Variants in HECW2 observed in about 807,000 individuals in gnomAD.
HECW2 encodes E3 ubiquitin-protein ligase HECW2.
Under a neutral mutation model 175.2 loss-of-function variants are expected in HECW2, and 61 were observed. The observed-to-expected ratio is 0.35, with a 90% confidence interval of 0.28 to 0.43. The LOEUF (loss-of-function observed/expected upper bound fraction) is 0.43, where lower values mean the gene tolerates loss of function less well. Ranked by LOEUF, HECW2 falls within the 20% of genes least tolerant of loss-of-function variation. The pLI, the probability that HECW2 is intolerant of heterozygous loss-of-function variation, is 1.00. For missense variants in HECW2, 1,524 were observed against 2,000.5 expected (o/e 0.76, Z 4.54); for synonymous variants, 671 against 731.0 (o/e 0.92, Z 1.32).
intron 16 of HECW2, among the ~76,000 whole-genome samples, chr2:196,272,990 A>T (rs1414571475): frequency 2.1e-5 from 3 of 144,710 alleles, no homozygotes; most frequent in African/African-American, 5.3e-5. Flanking sequence ...ATTTCATGAC[A>T]TTTTTTTTTT....
intron 1 of HECW2, among the ~76,000 whole-genome samples, chr2:196,571,329 AAAC>A (rs1024532582): frequency 1.1e-3 from 161 of 152,260 alleles, no homozygotes; most frequent in African/African-American, 3.8e-3. Context: ...AATAAACAGC[AAAC>A]AATACTTAGT....
chr2:196,247,703 AAAG>A (rs1390133423), intron 19 of HECW2, among the ~76,000 whole-genome samples: 1 of 152,200 alleles, frequency 6.6e-6, no homozygotes, highest in Non-Finnish European at 1.5e-5. Flanking sequence ...TATACAAACT[AAAG>A]AATTCTATCT....
rs115263190 is a variant in HECW2, at chr2:196,329,531, C to T, written c.571+44G>A. Reference sequence around the variant, plus strand: ...GAAGTGACTATTCATACCTTCGAAACTGTACACTTTCAAACTGGATGTCAC... The same window carrying T: ...GAAGTGACTATTCATACCTTCGAAATTGTACACTTTCAAACTGGATGTCAC... On this transcript the variant is annotated intron_variant, in intron 5 of 28. Coordinates refer to ENST00000644978, the MANE Select transcript of HECW2 (RefSeq NM_001348768.2). 2.0e-4 allele frequency: 302 copies of T among 1,503,314 alleles called. 4 individuals carry two copies. The African/African-American group carries it at 3.9e-3, about 19-fold the overall frequency. The allele number at this position is 1,503,314 out of a possible 1,614,324, so 93.1% of individuals were successfully genotyped here.
chr2:196,241,994 T>C, intron 20 of HECW2, 90 bp downstream of exon 20: 1 of 1,250,068 alleles, frequency 8.0e-7, no homozygotes, highest in Non-Finnish European at 1.2e-6. Context: ...AGGCTAGTCA[T>C]CCCAAATCAC....
chr2:196,250,131 C>T (rs916727216), intron 19 of HECW2, among the ~76,000 whole-genome samples: 6 of 152,158 alleles, frequency 3.9e-5, no homozygotes, highest in African/African-American at 1.4e-4. Flanking sequence ...GGAGAGGCCA[C>T]ACAAAAGGCC....
intron 1 of HECW2, among the ~76,000 whole-genome samples, chr2:196,538,321 C>CCAGTCTGTGATACAATTCTG (rs1444809425): frequency 1.3e-5 from 2 of 152,176 alleles, no homozygotes; most frequent in Non-Finnish European, 2.9e-5. Context: ...ACGCCAGGCC[C>CCAGTCTGTGATACAATTCTG]TGTCCCAAGA....
intron 2 of HECW2, among the ~76,000 whole-genome samples, chr2:196,365,111 G>C (rs1559069521): frequency 6.6e-6 from 1 of 152,232 alleles, no homozygotes; most frequent in Non-Finnish European, 1.5e-5. Flanking sequence ...GGGTGGAAAT[G>C]TGATTTATGG....
intron 2 of HECW2, among the ~76,000 whole-genome samples, chr2:196,370,505 AAGCACTCCCCTGGCT>A (rs1314438502): frequency 6.6e-6 from 1 of 152,112 alleles, no homozygotes; most frequent in African/African-American, 2.4e-5. Flanking sequence ...GGGATGGCAC[AAGCACTCCCCTGGCT>A]ACCCCAGCTG....
At chr2:196,500,523 A>C (rs1437781266) in intron 1 of HECW2, among the ~76,000 whole-genome samples, 1 of 152,252 alleles carries the variant, frequency 6.6e-6, no homozygotes, top group African/African-American at 2.4e-5. Context: ...TGAATGGAAA[A>C]CTTTTGAGTT....
intron 1 of HECW2, among the ~76,000 whole-genome samples, chr2:196,521,066 T>C (rs1449888523): frequency 6.6e-6 from 1 of 152,090 alleles, no homozygotes; most frequent in Non-Finnish European, 1.5e-5. Flanking sequence ...TTATTTCATT[T>C]CATCTTCACA....
intron 1 of HECW2, among the ~76,000 whole-genome samples, chr2:196,464,779 C>G (rs377340270): frequency 6.6e-6 from 1 of 152,264 alleles, no homozygotes; most frequent in East Asian, 1.9e-4. Flanking sequence ...CGGTGGCTCA[C>G]GCCTGTAATC....
intron 1 of HECW2, among the ~76,000 whole-genome samples, chr2:196,526,438 T>C (rs989367394): frequency 1.3e-5 from 2 of 151,250 alleles, no homozygotes; most frequent in Admixed American, 1.3e-4. Flanking sequence ...CTCCCGTAGC[T>C]CAGAGTAATT....
At chr2:196,525,754 T>C (rs1352571137) in intron 1 of HECW2, among the ~76,000 whole-genome samples, 3 of 149,122 alleles carry the variant, frequency 2.0e-5, no homozygotes, top group Non-Finnish European at 3.0e-5. Context: ...TTTGGCTGGA[T>C]ATGAAATTCT....
At chr2:196,210,613 G>C (rs1295614192) in intron 28 of HECW2, among the ~76,000 whole-genome samples, 1 of 151,584 alleles carries the variant, frequency 6.6e-6, no homozygotes, top group Non-Finnish European at 1.5e-5. Context: ...AGAATAAAAA[G>C]CAGATTTTTT....
At chr2:196,562,970 G>T (rs950094734) in intron 1 of HECW2, among the ~76,000 whole-genome samples, 1 of 152,148 alleles carries the variant, frequency 6.6e-6, no homozygotes, top group African/African-American at 2.4e-5. Context: ...TTGAGCCTGG[G>T]AGGTTGAGGC....
chr2:196,582,689 C>A (rs777151023), intron 1 of HECW2, among the ~76,000 whole-genome samples: 49 of 152,262 alleles, frequency 3.2e-4, no homozygotes, highest in Admixed American at 1.6e-3. Context: ...TTCAGTTGAT[C>A]CAGAACAGGT....
intron 18 of HECW2, among the ~76,000 whole-genome samples, chr2:196,255,871 T>G (rs4850692): frequency 0.87 from 132,299 of 152,166 alleles, 60,410 homozygotes; most frequent in Non-Finnish European, 1. Context: ...TCAGGAGTTC[T>G]TGTCCAGCCT....
Position 196,318,533 on chromosome 2 carries a change from A to G in HECW2, c.2338+19T>C. 6.8e-7 allele frequency: 1 copy of G among 1,470,942 alleles called. No individual in the cohort carries two copies. Among genetic ancestry groups the G allele is most frequent in the Non-Finnish European group, 9.0e-7 (1 of 1,109,738 alleles). 91.1% of individuals were successfully genotyped at this position (1,470,942 alleles called of 1,614,324 possible). A position where few individuals can be genotyped will look rare whatever the true frequency, so the allele number is the denominator to read the frequency against. ...CAGCTACGCTCGAGCCAAGAGCCACAGTGGTGTCCATATCCTACCTCCAGT... is the reference window on the plus strand; with the variant it reads ...CAGCTACGCTCGAGCCAAGAGCCACGGTGGTGTCCATATCCTACCTCCAGT... On this transcript the variant is annotated intron_variant, in intron 9 of 28. Coordinates refer to ENST00000644978, the MANE Select transcript of HECW2 (RefSeq NM_001348768.2).
chr2:196,229,703 GATAA>G (rs1237246075), intron 21 of HECW2, among the ~76,000 whole-genome samples: 2 of 152,064 alleles, frequency 1.3e-5, no homozygotes, highest in African/African-American at 4.8e-5. Flanking sequence ...ATAGGCAGAA[GATAA>G]ATAAAAATGG....
Sources: gnomAD v4.1 joint callset for allele counts (sites outside exome capture counted in the v4.1 genomes callset) on GRCh38, gnomAD v4.1.1 for gene constraint, MANE v1.5 for transcripts, NCBI Gene and HGNC (gene_info 2026-07-23, HGNC 2026-07-21) for gene names.